Variants in PRKAR1A observed in about 807,000 individuals in gnomAD.
PRKAR1A encodes the protein protein kinase cAMP-dependent type I regulatory subunit alpha.
In PRKAR1A, 3 loss-of-function variants were observed where a neutral mutation model predicts 52.0. That is an observed-to-expected ratio of 0.06 (90% CI 0.03 to 0.15). The LOEUF is 0.15. PRKAR1A is among the 10% of genes least tolerant of loss of function. The probability of loss-of-function intolerance (pLI) is 1.00; values close to 1 mark genes in which losing one functional copy is unlikely to be tolerated. For missense variants in PRKAR1A, 240 were observed against 477.4 expected (o/e 0.50, Z 4.63); for synonymous variants, 188 against 168.4 (o/e 1.12, Z -0.90).
chr17:68,473,264 G>T, the PRKAR1A span, among the ~76,000 whole-genome samples: 1 of 152,128 alleles, frequency 6.6e-6, no homozygotes, highest in Non-Finnish European at 1.5e-5. Context: ...TTAAGTCTGG[G>T]CACAATGGCT....
At chr17:68,434,503 C>A in the PRKAR1A span, 2 of 1,599,014 alleles carry the variant, frequency 1.3e-6, no homozygotes, top group South Asian at 2.2e-5. Context: ...TGCCAGCGGT[C>A]CCTGCGGGAC....
chr17:68,506,695 G>A, the PRKAR1A span, among the ~76,000 whole-genome samples: 4 of 152,058 alleles, frequency 2.6e-5, no homozygotes, highest in Non-Finnish European at 5.9e-5. Flanking sequence ...TATTGGCCAG[G>A]CTGGTCTCAA....
chr17:68,433,692 C>T, the PRKAR1A span: 1 of 667,148 alleles, frequency 1.5e-6, no homozygotes, highest in Non-Finnish European at 2.6e-6. Flanking sequence ...TAGGTAGACC[C>T]AGATCCCTTA....
chr17:68,512,256 A>T (rs941328382), upstream of PRKAR1A: 3 of 153,298 alleles, frequency 2.0e-5, no homozygotes, highest in African/African-American at 4.8e-5. Flanking sequence ...GTAAGATGGA[A>T]AGAATGGCGG....
At chr17:68,441,696 C>T in the PRKAR1A span, among the ~76,000 whole-genome samples, 2 of 152,166 alleles carry the variant, frequency 1.3e-5, no homozygotes, top group African/African-American at 4.8e-5. Flanking sequence ...ACAGGGCGGA[C>T]CCACCTTTGC....
chr17:68,547,854 C>G (rs2086639802), intron 11 of PRKAR1A, among the ~76,000 whole-genome samples: 1 of 152,226 alleles, frequency 6.6e-6, no homozygotes, highest in African/African-American at 2.4e-5. Flanking sequence ...CACAACTTGC[C>G]TGACTGGCAC....
chr17:68,548,444 C>T (rs1209403616), intron 11 of PRKAR1A, among the ~76,000 whole-genome samples: 1 of 151,948 alleles, frequency 6.6e-6, no homozygotes, highest in Non-Finnish European at 1.5e-5. Context: ...GCAAGAGAAT[C>T]GCTTGAACCC....
chr17:68,453,570 C>T, the PRKAR1A span, among the ~76,000 whole-genome samples: 1 of 151,536 alleles, frequency 6.6e-6, no homozygotes, highest in Admixed American at 6.6e-5. Context: ...CCTCCGCCTC[C>T]TGGGTTCAAG....
At chr17:68,453,629 C>T in the PRKAR1A span, among the ~76,000 whole-genome samples, 17 of 152,112 alleles carry the variant, frequency 1.1e-4, no homozygotes, top group East Asian at 2.3e-3. Flanking sequence ...CAGGCATGCA[C>T]CACCACGCCA....
intron 11 of PRKAR1A, chr17:68,541,329 T>C (rs992729035): frequency 6.3e-5 from 18 of 283,796 alleles, no homozygotes; most frequent in African/African-American, 3.9e-4. Flanking sequence ...CTCCATGGGC[T>C]GTTCCTGCCC....
At chr17:68,506,249 A>C in the PRKAR1A span, among the ~76,000 whole-genome samples, 2 of 151,860 alleles carry the variant, frequency 1.3e-5, no homozygotes, top group African/African-American at 4.8e-5. Context: ...CCATCTTGAA[A>C]AATATTTTCC....
the PRKAR1A span, among the ~76,000 whole-genome samples, chr17:68,446,186 A>T: frequency 6.8e-6 from 1 of 146,882 alleles, no homozygotes; most frequent in Middle Eastern, 3.2e-3. Flanking sequence ...ACATTTCTCA[A>T]TTTTTTTTTT....
Position 68,533,258 on chromosome 17 carries a change from G to A in PRKAR1A, c.*2809G>A, listed in dbSNP as rs2086025377. The A allele has an allele frequency of 9.4e-7, 1 of 1,062,520 alleles. No homozygotes were observed. The highest frequency in any genetic ancestry group is 5.0e-5 in the East Asian group (1 of 19,904). The allele number at this position is 1,062,520 out of a possible 1,614,324, so 65.8% of individuals were successfully genotyped here. ...AGATGATTAAGTTGTATTCATTAGT[G>A]TATTGGTATTTCTTCACATCCAGTG... On this transcript the variant is annotated 3_prime_UTR_variant, in exon 11 of 11. Coordinates refer to ENST00000589228, the MANE Select transcript of PRKAR1A (RefSeq NM_002734.5).
chr17:68,428,545 T>C, the PRKAR1A span: 1 of 273,578 alleles, frequency 3.7e-6, no homozygotes, highest in Non-Finnish European at 7.1e-6. Flanking sequence ...AGGGAATATT[T>C]TTGAACACCC....
At chr17:68,419,055 C>G in the PRKAR1A span, among the ~76,000 whole-genome samples, 1 of 150,014 alleles carries the variant, frequency 6.7e-6, no homozygotes, top group African/African-American at 2.5e-5. Flanking sequence ...TCATAAAGAG[C>G]CAAGGAAGCT....
intron 1 of PRKAR1A, among the ~76,000 whole-genome samples, chr17:68,513,471 TCC>T (rs2085336211): frequency 6.6e-6 from 1 of 152,212 alleles, no homozygotes; most frequent in African/African-American, 2.4e-5. Context: ...TTTATTTATT[TCC>T]CAGAATGTAA....
chr17:68,516,224 C>T (rs2085429183), intron 2 of PRKAR1A, among the ~76,000 whole-genome samples: 1 of 151,906 alleles, frequency 6.6e-6, no homozygotes. Flanking sequence ...GTCATTGTGA[C>T]CTACGTATAT....
the PRKAR1A span, chr17:68,452,932 C>A: frequency 1.2e-6 from 2 of 1,614,048 alleles, no homozygotes; most frequent in Non-Finnish European, 1.7e-6. Context: ...CTTGATCCAG[C>A]TGCTCCACAG....
the PRKAR1A span, among the ~76,000 whole-genome samples, chr17:68,494,097 A>G: frequency 8.5e-4 from 129 of 152,368 alleles, no homozygotes; most frequent in Non-Finnish European, 1.5e-3. Flanking sequence ...ATGTTTAAAA[A>G]TATATAATCA....
Sources: gnomAD v4.1 joint callset for allele counts (sites outside exome capture counted in the v4.1 genomes callset) on GRCh38, gnomAD v4.1.1 for gene constraint, MANE v1.5 for transcripts, NCBI Gene and HGNC (gene_info 2026-07-23, HGNC 2026-07-21) for gene names.